The following PCM1 variants were observed in gnomAD, a reference collection of about 807,000 sequenced individuals.
The protein encoded by PCM1 is pericentriolar material 1 protein.
In PCM1, 157 loss-of-function variants were observed where a neutral mutation model predicts 241.9. The ratio of observed to expected loss-of-function variants is 0.65; its 90% CI spans 0.57 to 0.74. PCM1 has a LOEUF of 0.74. PCM1 is among the 30% of genes least tolerant of loss of function. PCM1 has a pLI of 0.00. For missense variants in PCM1, 3,478 were observed against 2,360.1 expected (o/e 1.47, Z -9.81); for synonymous variants, 1,085 against 784.9 (o/e 1.38, Z -6.39).
chr8:17,941,709 T>C (rs1213025019), intron 6 of PCM1, among the ~76,000 whole-genome samples: 1 of 152,140 alleles, frequency 6.6e-6, no homozygotes, highest in Non-Finnish European at 1.5e-5. Flanking sequence ...GGAATTCAGC[T>C]TCACAAGAAC....
At chr8:17,984,516 CTTATA>C (rs1434882185) in intron 24 of PCM1, among the ~76,000 whole-genome samples, 2 of 151,484 alleles carry the variant, frequency 1.3e-5, no homozygotes, top group African/African-American at 4.9e-5. Context: ...CTATTGATAT[CTTATA>C]TTAGTAATGT....
chr8:17,963,556 G>A (rs554138640), intron 17 of PCM1, among the ~76,000 whole-genome samples: 2 of 152,228 alleles, frequency 1.3e-5, no homozygotes, highest in Admixed American at 1.3e-4. Context: ...ATGTGTATAA[G>A]CCTTATTAGT....
At chr8:17,923,274 C>G (rs940036714) in intron 1 of PCM1, 86 bp downstream of exon 1, 1 of 152,400 alleles carries the variant, frequency 6.6e-6, no homozygotes, top group East Asian at 1.9e-4. Context: ...ACACTCGGCC[C>G]TGTTGGGTCT....
intron 10 of PCM1, among the ~76,000 whole-genome samples, chr8:17,956,170 G>A (rs144719942): frequency 1.3e-5 from 2 of 152,330 alleles, no homozygotes; most frequent in Non-Finnish European, 1.5e-5. Flanking sequence ...AGTATGTAGT[G>A]TATAGATCTC....
At chr8:17,962,235 C>G in intron 16 of PCM1, 61 bp downstream of exon 16, 1 of 1,391,154 alleles carries the variant, frequency 7.2e-7, no homozygotes, top group Non-Finnish European at 9.9e-7. Context: ...TTTTTTTCTT[C>G]AATAAGGCAC....
chr8:17,944,058 T>C (rs181894847), intron 6 of PCM1, among the ~76,000 whole-genome samples: 1 of 152,326 alleles, frequency 6.6e-6, no homozygotes, highest in Admixed American at 6.5e-5. Context: ...CATGCGTTCA[T>C]TGTTTTCCTA....
chr8:17,950,270 C>T (rs2065525434), intron 7 of PCM1, among the ~76,000 whole-genome samples: 1 of 152,204 alleles, frequency 6.6e-6, no homozygotes, highest in African/African-American at 2.4e-5. Context: ...TCAGAATCAG[C>T]TGTGCTTTTT....
intron 36 of PCM1, among the ~76,000 whole-genome samples, chr8:18,023,723 A>G (rs1326887233): frequency 6.6e-6 from 1 of 152,202 alleles, no homozygotes. Context: ...AGTTCTTGCT[A>G]CAGTTACTGT....
chr8:18,016,478 A>C (rs1483734279), intron 36 of PCM1, among the ~76,000 whole-genome samples: 1 of 152,242 alleles, frequency 6.6e-6, no homozygotes, highest in African/African-American at 2.4e-5. Context: ...AATCTAGATA[A>C]AATTGTTTAT....
chr8:18,025,673 T>C lies in PCM1; in HGVS notation c.6049+15T>C, dbSNP rs781208535. 1.2e-5 allele frequency: 16 copies of C among 1,376,018 alleles called. No homozygotes were observed. The East Asian group carries it at 3.9e-4, about 34-fold the overall frequency. The allele number at this position is 1,376,018 out of a possible 1,614,324, so 85.2% of individuals were successfully genotyped here. A position where few individuals can be genotyped will look rare whatever the true frequency, so the allele number is the denominator to read the frequency against. On this transcript the variant is annotated intron_variant, in intron 38 of 38. Coordinates refer to ENST00000325083, the MANE Select transcript of PCM1 (RefSeq NM_006197.4). ...AAAAGAACCTGGTAAGAGTTATCAA[T>C]TTAAATCTTGCCATATTGAAAAATC...
chr8:17,958,623 C>G (rs531890418), intron 13 of PCM1, among the ~76,000 whole-genome samples: 24 of 151,742 alleles, frequency 1.6e-4, no homozygotes, highest in Non-Finnish European at 3.4e-4. Flanking sequence ...AGTGAAAAAC[C>G]TCAAGTTTTA....
chr8:18,016,910 A>G (rs765635505), intron 36 of PCM1, among the ~76,000 whole-genome samples: 10 of 152,250 alleles, frequency 6.6e-5, no homozygotes, highest in African/African-American at 2.4e-4. Flanking sequence ...AGCTGAACTC[A>G]GAGCCATAGC....
intron 26 of PCM1, among the ~76,000 whole-genome samples, chr8:17,988,081 G>C (rs1037966430): frequency 4.0e-5 from 6 of 151,768 alleles, no homozygotes; most frequent in African/African-American, 1.4e-4. Context: ...GGAGGATGGA[G>C]TGGAGACACT....
At chr8:18,009,766 T>C (rs443743) in intron 31 of PCM1, 22 bp downstream of exon 31, 85 of 1,355,030 alleles carry the variant, frequency 6.3e-5, no homozygotes, top group Non-Finnish European at 7.9e-5. Flanking sequence ...TCATTTTGAT[T>C]TTTAGGATAA....
rs2092948338 is a variant in PCM1, at chr8:18,014,659, C to T, written c.5660C>T (p.Ala1887Val). ...LEDEQPLNSA[A>V]HKESPPTVDS... ...GATGAGCAACCTTTAAATAGTGCTG[C>T]CCATAAGGAGTCACCTCCTACTGTT... Residue 1887 changes from alanine (A) to valine (V), a missense_variant, in exon 36 of 39, where the codon GCC (alanine) becomes GTC (valine). Physicochemically the swap from Ala to Val is moderately conservative, Grantham distance 64 (BLOSUM62 0). Transcript: ENST00000325083. The T allele has an allele frequency of 1.2e-6, 2 of 1,613,422 alleles. No individual in the cohort carries two copies. The highest frequency in any genetic ancestry group is 1.7e-5 in the Admixed American group (1 of 59,984).
intron 27 of PCM1, 102 bp downstream of exon 27, chr8:17,990,081 G>A (rs1265152144): frequency 2.2e-6 from 2 of 912,870 alleles, no homozygotes; most frequent in Admixed American, 3.4e-5. Context: ...GGCGAAGTGT[G>A]TGTGGTTGAA....
At position 18,014,821 on chromosome 8, in the gene PCM1, C is replaced by T. The variant is rs1040595518; in HGVS notation, c.5822C>T (p.Pro1941Leu). The T allele has an allele frequency of 2.5e-6, 4 of 1,600,058 alleles. No individual in the cohort carries two copies. Among genetic ancestry groups the T allele is most frequent in the Non-Finnish European group, 3.4e-6 (4 of 1,176,842 alleles). The change falls in exon 36 of 39, where the codon CCA becomes CTA. Residue 1941 changes from proline to leucine, a missense_variant. Pro to Leu is a moderately conservative substitution (Grantham distance 98). Coordinates refer to ENST00000325083, the MANE Select transcript of PCM1 (RefSeq NM_006197.4). Reference sequence around the variant, plus strand: ...GCTGGAAGTCCTGATACTGAATCTCCAGTGTTAGTGAATGACTATGTATGT... The same window carrying T: ...GCTGGAAGTCCTGATACTGAATCTCTAGTGTTAGTGAATGACTATGTATGT... ...SLAGSPDTES[P>L]VLVNDYEAES... is the part of the protein sequence containing the mutation.
intron 38 of PCM1, among the ~76,000 whole-genome samples, chr8:18,027,256 A>G (rs422191): frequency 0.78 from 118,127 of 151,838 alleles, 46,498 homozygotes; most frequent in African/African-American, 0.85. Flanking sequence ...AAGTGTTTGA[A>G]CTGCAGCTTC....
At chr8:17,958,272 G>T (rs1180932692) in intron 13 of PCM1, among the ~76,000 whole-genome samples, 1 of 152,044 alleles carries the variant, frequency 6.6e-6, no homozygotes, top group Non-Finnish European at 1.5e-5. Flanking sequence ...CAGACTTCCT[G>T]ATACCAGAGC....
Sources: allele counts gnomAD v4.1 joint callset (sites outside exome capture counted in the v4.1 genomes callset), GRCh38; gene constraint gnomAD v4.1.1; transcripts MANE v1.5; gene names NCBI Gene and HGNC (gene_info 2026-07-23, HGNC 2026-07-21).